CLC: variants seen among roughly 807,000 people sequenced by gnomAD.
CLC encodes the protein Charcot-Leyden crystal galectin.
CLC carries 15 observed loss-of-function variants against 13.9 expected under a neutral mutation model. The observed-to-expected ratio is 1.08, with a 90% confidence interval of 0.72 to 1.66. The LOEUF (loss-of-function observed/expected upper bound fraction) is 1.66. Ranked by LOEUF, CLC falls within the 40% of genes most tolerant of loss-of-function variation. The pLI is 0.00. For synonymous variants in CLC, 68 were observed against 59.9 expected (o/e 1.14, Z -0.63); for missense variants, 161 against 169.1 (o/e 0.95, Z 0.27).
intron 1 of CLC, among the ~76,000 whole-genome samples, chr19:39,737,174 C>T (rs569696150): frequency 4.5e-4 from 68 of 152,004 alleles, no homozygotes; most frequent in Middle Eastern, 3.4e-3. Flanking sequence ...GAGGCAGGAG[C>T]CAGTGGTCAC....
rs71171518 is a variant in CLC, at chr19:39,736,774, CA to C, written c.15+1163del. On this transcript the variant is annotated intron_variant, in intron 1 of 3. Transcript: ENST00000221804. ...TGGGAAACAGAGCGAGACTCTGTCT[CA>C]AAAAAAAAAAAAAAAAATTACTGCA... Among the ~76,000 whole-genome samples, 383 of 138,072 alleles carry C rather than the reference CA, an allele frequency of 2.8e-3. 1 individual carries two copies. The highest frequency in any genetic ancestry group is 3.8e-3 in the Middle Eastern group (1 of 262). 90.6% of individuals were successfully genotyped at this position (138,072 alleles called of 152,430 possible).
chr19:39,733,853 G>T, intron 3 of CLC: 2 of 791,548 alleles, frequency 2.5e-6, no homozygotes, highest in Non-Finnish European at 3.1e-6. Context: ...CTTCATATTG[G>T]ACTGACTAAA....
At chr19:39,734,095 C>G (rs1021904523) in intron 3 of CLC, 188 bp downstream of exon 3, 1 of 984,170 alleles carries the variant, frequency 1.0e-6, no homozygotes, top group Non-Finnish European at 1.2e-6. Flanking sequence ...GTAAAGGGAA[C>G]CCCTGTGTGT....
At chr19:39,735,208 C>A in intron 1 of CLC, 135 bp from the exon 2 acceptor site, 1 of 639,864 alleles carries the variant, frequency 1.6e-6, no homozygotes, top group South Asian at 1.9e-5. Context: ...CTACCTCAGT[C>A]AGGACCCCGT....
At position 39,731,437 on chromosome 19, in the gene CLC, C is replaced by A. The variant is rs943489731; in HGVS notation, c.372G>T (p.Val124=). The A allele has an allele frequency of 6.2e-7, 1 of 1,613,614 alleles. No homozygotes were observed. The highest frequency in any genetic ancestry group is 1.3e-5 in the African/African-American group (1 of 74,898). The change falls in exon 4 of 4, where the codon GTG becomes GTT. Residue 124 remains valine (V), a synonymous_variant. Coordinates refer to ENST00000221804, the MANE Select transcript of CLC (RefSeq NM_001828.6). ...TCAGGGAGATATCTCTCCACACTTG[C>A]ACCATCTTCACAGCCTCAGGCTTGA... ...HRIKPEAVKM[V]QVWRDISLTK... is the part of the protein sequence containing the mutation.
Position 39,731,360 on chromosome 19 carries a change from C to G in CLC, c.*20G>C, listed in dbSNP as rs754290850. On this transcript the variant is annotated 3_prime_UTR_variant, in exon 4 of 4. Transcript: ENST00000221804. The stretch of plus-strand genomic sequence containing the variant: ...CAAGTTCACGTAGAGACAGGGATTC[C>G]TTGGCAACATGAAGTCTGGTTATCT... 1 of 1,612,006 alleles carries G rather than the reference C, an allele frequency of 6.2e-7. No homozygotes were observed. Among genetic ancestry groups the G allele is most frequent in the South Asian group, 1.1e-5 (1 of 90,952 alleles).
At chr19:39,733,537 C>T (rs1198388404) in intron 3 of CLC, among the ~76,000 whole-genome samples, 1 of 152,138 alleles carries the variant, frequency 6.6e-6, no homozygotes, top group African/African-American at 2.4e-5. Flanking sequence ...GAAACCAACT[C>T]AGTGCTCTTG....
intron 1 of CLC, among the ~76,000 whole-genome samples, chr19:39,737,103 C>T (rs1967323940): frequency 6.6e-6 from 1 of 151,884 alleles, no homozygotes; most frequent in South Asian, 2.1e-4. Context: ...CCTTCTCTAG[C>T]ATCCTGGCAC....
intron 3 of CLC, among the ~76,000 whole-genome samples, chr19:39,733,236 TTAAC>T (rs1967253422): frequency 6.6e-6 from 1 of 152,138 alleles, no homozygotes; most frequent in Non-Finnish European, 1.5e-5. Context: ...GATATTATCT[TTAAC>T]AGCGTATAAA....
At chr19:39,736,348 C>A (rs1211578912) in intron 1 of CLC, among the ~76,000 whole-genome samples, 1 of 152,184 alleles carries the variant, frequency 6.6e-6, no homozygotes, top group Non-Finnish European at 1.5e-5. Flanking sequence ...GCTGAGAGCA[C>A]AACCGCAGTA....
At chr19:39,734,215 C>T in intron 3 of CLC, 68 bp downstream of exon 3, 2 of 1,521,526 alleles carry the variant, frequency 1.3e-6, no homozygotes, top group Non-Finnish European at 9.0e-7. Context: ...GGAGTTAGGG[C>T]ATGAAGAGCT....
chr19:39,732,846 A>G (rs1021382124), intron 3 of CLC, among the ~76,000 whole-genome samples: 4 of 149,474 alleles, frequency 2.7e-5, no homozygotes, highest in African/African-American at 9.8e-5. Context: ...AGGCATTACC[A>G]TTCAGGACAT....
Position 39,736,862 on chromosome 19 carries a change from G to A in CLC, c.15+1076C>T, listed in dbSNP as rs80037171. Reference sequence around the variant, plus strand: ...ATGCCCCCCAGCAGCTGGAACTACGGTATGCAACACCACATTCAATAAATT... The same window carrying A: ...ATGCCCCCCAGCAGCTGGAACTACGATATGCAACACCACATTCAATAAATT... On this transcript the variant is annotated intron_variant, in intron 1 of 3. Transcript: ENST00000221804. Among the ~76,000 whole-genome samples the A allele has an allele frequency of 5.9e-5, 9 of 152,014 alleles. No individual in the cohort carries two copies. In the East Asian group the frequency reaches 1.2e-3, roughly 20 times the overall value.
rs1404755034 is a variant in CLC, at chr19:39,734,555, C to A, written c.93-62G>T. ...TCTTGTGGGGCACACACAAGACACA[C>A]ACACAAGTCTCTTTGCCCCTTCCGT... is the stretch of plus-strand genomic sequence containing the variant. On this transcript the variant is annotated intron_variant, in intron 2 of 3. Transcript: ENST00000221804. The A allele has an allele frequency of 2.1e-6, 3 of 1,406,412 alleles. No homozygotes were observed. The East Asian group carries it at 6.9e-5, about 32-fold the overall frequency. 87.1% of individuals were successfully genotyped at this position (1,406,412 alleles called of 1,614,324 possible).
intron 3 of CLC, 56 bp downstream of exon 3, chr19:39,734,227 C>A (rs1967271899): frequency 6.4e-7 from 1 of 1,562,398 alleles, no homozygotes; most frequent in Non-Finnish European, 8.7e-7. Context: ...TGAAGAGCTG[C>A]CTCCTGCTCT....
intron 3 of CLC, 50 bp from the exon 4 acceptor site, chr19:39,731,555 C>T: frequency 1.3e-6 from 2 of 1,560,108 alleles, no homozygotes; most frequent in East Asian, 4.5e-5. Flanking sequence ...ACCAAACAAG[C>T]TTTCAGCCTG....
intron 3 of CLC, 67 bp downstream of exon 3, chr19:39,734,216 A>C: frequency 6.5e-7 from 1 of 1,532,490 alleles, no homozygotes. Context: ...GAGTTAGGGC[A>C]TGAAGAGCTG....
chr19:39,734,596 T>A (rs1293069839), intron 2 of CLC, 103 bp from the exon 3 acceptor site: 1 of 967,068 alleles, frequency 1.0e-6, no homozygotes, highest in East Asian at 2.5e-5. Context: ...AGCAAAGACT[T>A]GTTGGTATTC....
At position 39,735,064 on chromosome 19, in the gene CLC, T is replaced by C. The variant is rs377338228; in HGVS notation, c.25A>G (p.Thr9Ala). The change falls in exon 2 of 4, where the codon ACA becomes GCA. Residue 9 changes from threonine (T) to alanine (A), a missense_variant. Coordinates refer to ENST00000221804, the MANE Select transcript of CLC (RefSeq NM_001828.6). Reference protein sequence around the residue: MSLLPVPYTEAASLSTGST... With the variant: MSLLPVPYAEAASLSTGST... ...CCAGTAGACAAAGAGGCAGCCTCTG[T>C]GTATGGCACCTGCCAGGGGATTGAG... is the stretch of plus-strand genomic sequence containing the variant. 1.9e-6 allele frequency: 3 copies of C among 1,613,722 alleles called. No individual in the cohort carries two copies. Among genetic ancestry groups the C allele is most frequent in the Non-Finnish European group, 2.5e-6 (3 of 1,179,660 alleles).
Sources: allele counts gnomAD v4.1 joint callset (sites outside exome capture counted in the v4.1 genomes callset), GRCh38; gene constraint gnomAD v4.1.1; transcripts MANE v1.5; gene names NCBI Gene and HGNC (gene_info 2026-07-23, HGNC 2026-07-21).